KCNN3: variants seen among roughly 807,000 people sequenced by gnomAD.
KCNN3 encodes the protein potassium calcium-activated channel subfamily N member 3.
A neutral mutation model predicts 62.9 loss-of-function variants in KCNN3; 16 were observed. The observed-to-expected ratio is 0.25, with a 90% CI of 0.17 to 0.39. The LOEUF (loss-of-function observed/expected upper bound fraction) is 0.39. Ranked by LOEUF, KCNN3 falls within the 10% of genes least tolerant of loss-of-function variation. KCNN3 has a pLI of 1.00. For synonymous variants in KCNN3, 370 were observed against 389.2 expected, an observed-to-expected ratio of 0.95 and a Z score of 0.58; for missense variants, 599 against 949.4, an observed-to-expected ratio of 0.63 and a Z score of 4.85.
Position 154,702,157 on chromosome 1 carries a change from T to A in KCNN3, c.*5819A>T, listed in dbSNP as rs1371016928. 6.6e-6 allele frequency: 1 copy of A among 152,080 alleles called. No individual in the cohort carries two copies. The highest frequency in any genetic ancestry group is 2.4e-5 in the African/African-American group (1 of 41,388). 9.4% of individuals were successfully genotyped at this position (152,080 alleles called of 1,614,324 possible). A position where few individuals can be genotyped will look rare whatever the true frequency, so the allele number is the denominator to read the frequency against. Reference sequence around the variant, plus strand: ...GCCTTGGAGAATTAGAATATGGCAGTTCAGTAGGCTGTGGTAGGAGGACCC... The same window carrying A: ...GCCTTGGAGAATTAGAATATGGCAGATCAGTAGGCTGTGGTAGGAGGACCC... On this transcript the variant is annotated 3_prime_UTR_variant, in exon 8 of 8. Coordinates refer to ENST00000271915, the MANE Select transcript of KCNN3 (RefSeq NM_002249.6).
chr1:154,714,890 G>A lies in KCNN3; in HGVS notation c.1815C>T (p.Leu605=), dbSNP rs145724994. Residue 605 remains leucine (L), a synonymous_variant, in exon 6 of 8, where the codon CTC becomes CTT. Coordinates refer to ENST00000271915, the MANE Select transcript of KCNN3 (RefSeq NM_002249.6). ...AKVRKHQRKF[L]QAIHQLRSVK... ...GGCATACTCACTGGTGGATAGCTTG[G>A]AGGAACTTCCTCTGGTGTTTCCTCA... 27 of 1,613,470 alleles carry A rather than the reference G, an allele frequency of 1.7e-5. No homozygotes were observed. In the African/African-American group the frequency reaches 3.6e-4, roughly 22 times the overall value.
intron 5 of KCNN3, among the ~76,000 whole-genome samples, chr1:154,725,070 G>T (rs1052677191): frequency 2.0e-5 from 3 of 152,072 alleles, no homozygotes; most frequent in Non-Finnish European, 2.9e-5. Context: ...TGGCCAGGAT[G>T]GTCTCGATCT....
chr1:154,827,831 T>A (rs183378012), intron 1 of KCNN3, among the ~76,000 whole-genome samples: 222 of 152,016 alleles, frequency 1.5e-3, no homozygotes, highest in African/African-American at 5.1e-3. Context: ...ACAACAATAA[T>A]AATAATAATT....
intron 1 of KCNN3, among the ~76,000 whole-genome samples, chr1:154,826,966 G>T (rs1651159884): frequency 6.6e-6 from 1 of 152,134 alleles, no homozygotes. Flanking sequence ...TATGTGTATG[G>T]TTGTGTGTGT....
intron 6 of KCNN3, 89 bp downstream of exon 6, chr1:154,714,787 G>T: frequency 6.5e-7 from 1 of 1,541,636 alleles, no homozygotes; most frequent in Non-Finnish European, 9.0e-7. Flanking sequence ...GGAACAGAAT[G>T]GATTTCTTCT....
At chr1:154,841,120 T>G (rs1218573) in intron 1 of KCNN3, among the ~76,000 whole-genome samples, 148,149 of 152,252 alleles carry the variant, frequency 0.97, 72,199 homozygotes, top group East Asian at 1. Context: ...CAAGGGAGGG[T>G]CTTTTCCGGG....
chr1:154,844,235 C>T (rs1045001058), intron 1 of KCNN3, among the ~76,000 whole-genome samples: 3 of 152,208 alleles, frequency 2.0e-5, no homozygotes, highest in Admixed American at 6.5e-5. Flanking sequence ...TATTAGTACG[C>T]GTTCTTGTCA....
At position 154,720,705 on chromosome 1, in the gene KCNN3, T is replaced by C. The variant is rs11264249; in HGVS notation, c.1701+5211A>G. Among the ~76,000 whole-genome samples, 147 of 152,114 alleles carry C rather than the reference T, an allele frequency of 9.7e-4. 1 individual carries two copies. The highest frequency in any genetic ancestry group is 1.2e-4 in the Non-Finnish European group (8 of 67,980). ...TAAAGGTTTTTGAGCAGGAAGTAATTTGTTCAGAGCTAAGCCTGAGAGTCT... is the reference window on the plus strand; with the variant it reads ...TAAAGGTTTTTGAGCAGGAAGTAATCTGTTCAGAGCTAAGCCTGAGAGTCT... On this transcript the variant is annotated intron_variant, in intron 5 of 7. Transcript: ENST00000271915.
intron 5 of KCNN3, among the ~76,000 whole-genome samples, chr1:154,719,438 C>T (rs2101772380): frequency 6.6e-6 from 1 of 152,320 alleles, no homozygotes; most frequent in East Asian, 1.9e-4. Context: ...GGCTACAAGC[C>T]TGTATGGCAC....
intron 3 of KCNN3, among the ~76,000 whole-genome samples, chr1:154,742,625 G>A (rs1162050444): frequency 6.6e-6 from 1 of 152,246 alleles, no homozygotes; most frequent in Non-Finnish European, 1.5e-5. Context: ...AAGATCTGGA[G>A]CCCAGAGACT....
chr1:154,858,703 A>G (rs552268142), intron 1 of KCNN3, among the ~76,000 whole-genome samples: 74 of 152,118 alleles, frequency 4.9e-4, no homozygotes, highest in African/African-American at 1.7e-3. Flanking sequence ...CCTGCCACTA[A>G]CAATGCTGAG....
intron 2 of KCNN3, among the ~76,000 whole-genome samples, chr1:154,784,561 G>A (rs973882604): frequency 1.3e-5 from 2 of 152,218 alleles, no homozygotes; most frequent in Non-Finnish European, 2.9e-5. Flanking sequence ...GGGGCTGGGT[G>A]CCTTCCTCCA....
intron 2 of KCNN3, among the ~76,000 whole-genome samples, chr1:154,813,487 C>T (rs1650523358): frequency 6.6e-6 from 1 of 152,136 alleles, no homozygotes; most frequent in African/African-American, 2.4e-5. Context: ...ACCGCCTTCC[C>T]ATTCACAAAC....
intron 1 of KCNN3, among the ~76,000 whole-genome samples, chr1:154,848,279 G>A (rs931700760): frequency 1.3e-5 from 2 of 152,162 alleles, no homozygotes; most frequent in Non-Finnish European, 2.9e-5. Flanking sequence ...ACACAACTCA[G>A]ATACCCAGGA....
intron 2 of KCNN3, among the ~76,000 whole-genome samples, chr1:154,788,102 T>C (rs1450738262): frequency 1.3e-5 from 2 of 152,138 alleles, no homozygotes; most frequent in Non-Finnish European, 2.9e-5. Context: ...GAAACAGGGA[T>C]GGATGGGCCT....
At chr1:154,857,440 C>T (rs564552105) in intron 1 of KCNN3, among the ~76,000 whole-genome samples, 1 of 151,872 alleles carries the variant, frequency 6.6e-6, no homozygotes, top group Non-Finnish European at 1.5e-5. Context: ...CTCCCTCTAC[C>T]CTTACCCCAC....
chr1:154,747,811 G>A (rs1700972868), intron 3 of KCNN3, among the ~76,000 whole-genome samples: 1 of 152,112 alleles, frequency 6.6e-6, no homozygotes. Context: ...TGAGTGCACT[G>A]CCGCATCTTA....
intron 3 of KCNN3, among the ~76,000 whole-genome samples, chr1:154,760,140 G>T (rs1647931861): frequency 6.6e-6 from 1 of 151,894 alleles, no homozygotes; most frequent in South Asian, 2.1e-4. Flanking sequence ...AGTCTCCCGA[G>T]TAGCTGGGAT....
rs988120826 is a variant in KCNN3 at position 154,737,209 on chromosome 1, G to GA, written c.1449-4066_1449-4065insT. 5.8e-5 allele frequency: 18 copies of GA among 309,656 alleles called. 2 individuals are homozygous for GA. The highest frequency in any genetic ancestry group is 1.9e-4 in the Admixed American group (5 of 26,152). 19.2% of individuals were successfully genotyped at this position (309,656 alleles called of 1,614,324 possible). ...CTATTTTTTGCAATAGAAAATTTGGGGGGGGGGGATAGCTCCATGTTTTTC... is the reference window on the plus strand; with the variant it reads ...CTATTTTTTGCAATAGAAAATTTGGGAGGGGGGGGATAGCTCCATGTTTTTC... On this transcript the variant is annotated intron_variant, in intron 3 of 7. Transcript: ENST00000271915.
Sources: gnomAD v4.1 joint callset for allele counts (sites outside exome capture counted in the v4.1 genomes callset) on GRCh38, gnomAD v4.1.1 for gene constraint, MANE v1.5 for transcripts, NCBI Gene and HGNC (gene_info 2026-07-23, HGNC 2026-07-21) for gene names.